The following KCNQ1 variants were observed in gnomAD, a reference collection of about 807,000 sequenced individuals.
KCNQ1 encodes potassium voltage-gated channel subfamily Q member 1.
KCNQ1 carries 49 observed loss-of-function variants against 72.4 expected under a neutral mutation model. That is an observed-to-expected ratio of 0.68 (90% CI 0.54 to 0.86). The LOEUF is 0.86. KCNQ1 is among the 40% of genes least tolerant of loss of function. The pLI is 0.00. For synonymous variants in KCNQ1, 450 were observed against 412.6 expected (o/e 1.09, Z -1.10); for missense variants, 790 against 945.1 (o/e 0.84, Z 2.15).
intron 12 of KCNQ1, among the ~76,000 whole-genome samples, chr11:2,771,782 G>A (rs906248794): frequency 6.6e-6 from 1 of 152,164 alleles, no homozygotes; most frequent in Non-Finnish European, 1.5e-5. Context: ...AGCAGGCCCT[G>A]TCGCTGAGCC....
Position 2,526,625 on chromosome 11 carries a change from C to A in KCNQ1, c.387-1303C>A, listed in dbSNP as rs1349026864. On this transcript the variant is annotated intron_variant, in intron 1 of 15. Transcript: ENST00000155840. The surrounding 1 kb of genome is among the most constrained non-coding windows in gnomAD (Gnocchi z 6.1). ...CGTGCAGCAGGAGGATGAGCCGAGG[C>A]AGGCTGTGCTGGGAGGTAGCCTGTT... 1.4e-5 allele frequency among the ~76,000 whole-genome samples: 2 copies of A among 144,960 alleles called. No individual in the cohort carries two copies. The highest frequency in any genetic ancestry group is 1.5e-5 in the Non-Finnish European group (1 of 66,752).
At chr11:2,666,255 C>A in intron 11 of KCNQ1, 1 of 398,624 alleles carries the variant, frequency 2.5e-6, no homozygotes, top group Non-Finnish European at 4.4e-6. Flanking sequence ...GGGGGAGGAC[C>A]AGGACCCCCG....
intron 11 of KCNQ1, among the ~76,000 whole-genome samples, chr11:2,730,537 G>T (rs1845838570): frequency 6.6e-6 from 1 of 152,196 alleles, no homozygotes; most frequent in Admixed American, 6.5e-5. Context: ...GAGTGCAGGG[G>T]TGATCTGGAG....
At chr11:2,727,496 G>A (rs1292334825) in intron 11 of KCNQ1, among the ~76,000 whole-genome samples, 5 of 152,176 alleles carry the variant, frequency 3.3e-5, no homozygotes, top group African/African-American at 1.2e-4. Context: ...GAATAAAGAG[G>A]AGGAGGAGGT....
Position 2,724,351 on chromosome 11 carries a change from GC to G in KCNQ1, c.1515-44490del, listed in dbSNP as rs1366903004. Among the ~76,000 whole-genome samples, 6 of 152,138 alleles carry G rather than the reference GC, an allele frequency of 3.9e-5. No homozygotes were observed. The highest frequency in any genetic ancestry group is 3.9e-4 in the Admixed American group (6 of 15,286). On this transcript the variant is annotated intron_variant, in intron 11 of 15. Coordinates refer to ENST00000155840, the MANE Select transcript of KCNQ1 (RefSeq NM_000218.3). This position sits in a 1 kb window ranked among gnomAD's most constrained non-coding sequence, Gnocchi z 6.8. ...TCCTCAGGAGTGACAGCGTCCTCCC[GC>G]CCGGATTGGGTTTCTGCACAGTGGA... is the stretch of plus-strand genomic sequence containing the variant.
Position 2,601,120 on chromosome 11 carries a change from CT to C in KCNQ1, c.1393+12270del, listed in dbSNP as rs1381937560. Among the ~76,000 whole-genome samples, 1 of 150,524 alleles carries C rather than the reference CT, an allele frequency of 6.6e-6. No individual in the cohort carries two copies. Among genetic ancestry groups the C allele is most frequent in the Non-Finnish European group, 1.5e-5 (1 of 67,810 alleles). ...AAAAAAGTCTCTCCAGATTTAAATGCTTTTGGAAACCAGGCTTTACTGTGGT... is the reference window on the plus strand; with the variant it reads ...AAAAAAGTCTCTCCAGATTTAAATGCTTTGGAAACCAGGCTTTACTGTGGT... On this transcript the variant is annotated intron_variant, in intron 10 of 15. Coordinates refer to ENST00000155840, the MANE Select transcript of KCNQ1 (RefSeq NM_000218.3). This position sits in a 1 kb window ranked among gnomAD's most constrained non-coding sequence, Gnocchi z 5.2.
At chr11:2,709,185 C>G (rs1297206571) in intron 11 of KCNQ1, among the ~76,000 whole-genome samples, 3 of 152,076 alleles carry the variant, frequency 2.0e-5, no homozygotes, top group South Asian at 4.2e-4. Context: ...GGCCCTGGAG[C>G]GTGGGAGCCT....
intron 15 of KCNQ1, among the ~76,000 whole-genome samples, chr11:2,821,984 T>C (rs1312193925): frequency 6.6e-6 from 1 of 152,140 alleles, no homozygotes; most frequent in Non-Finnish European, 1.5e-5. Context: ...TCCTGGGTTA[T>C]CCAGGGGCCC....
chr11:2,699,845 G>T (rs1850762077), intron 11 of KCNQ1: 1 of 396,810 alleles, frequency 2.5e-6, no homozygotes, highest in South Asian at 1.3e-4. Flanking sequence ...GGACCGCGCT[G>T]AGGGGCGCAC....
At chr11:2,533,932 C>T (rs992250943) in intron 2 of KCNQ1, among the ~76,000 whole-genome samples, 4 of 152,174 alleles carry the variant, frequency 2.6e-5, no homozygotes, top group African/African-American at 9.7e-5. Flanking sequence ...GTTAAAAAAC[C>T]CCGTGAGCTG....
intron 1 of KCNQ1, among the ~76,000 whole-genome samples, chr11:2,518,190 G>T (rs549013059): frequency 6.6e-6 from 1 of 152,274 alleles, no homozygotes; most frequent in African/African-American, 2.4e-5. Context: ...CCCCTGCTCT[G>T]GTCGGGGAGG....
chr11:2,558,826 G>A (rs950310081), intron 2 of KCNQ1, among the ~76,000 whole-genome samples: 24 of 152,182 alleles, frequency 1.6e-4, no homozygotes, highest in South Asian at 6.2e-4. Flanking sequence ...GCCAAGGCCC[G>A]GAAGCCGGCA....
Position 2,843,628 on chromosome 11 carries a change from G to A in KCNQ1, c.1795-4139G>A, listed in dbSNP as rs190546291. On this transcript the variant is annotated intron_variant, in intron 15 of 15. Coordinates refer to ENST00000155840, the MANE Select transcript of KCNQ1 (RefSeq NM_000218.3). ...CATCCACGAGGCCAGGGCCTTTGGC[G>A]GTCCTAGGCGGGGATCAAGGCCGGG... 5.1e-4 allele frequency among the ~76,000 whole-genome samples: 78 copies of A among 152,374 alleles called. 1 individual carries two copies. In the East Asian group the frequency reaches 0.013, roughly 24 times the overall value.
intron 15 of KCNQ1, among the ~76,000 whole-genome samples, chr11:2,796,496 C>T (rs79264824): frequency 0.027 from 4,055 of 152,316 alleles, 162 homozygotes; most frequent in African/African-American, 0.086. Flanking sequence ...CTCCCACTGC[C>T]GACCCAGGCC....
chr11:2,611,988 T>C lies in KCNQ1; in HGVS notation c.1393+23134T>C. 2.5e-6 allele frequency: 1 copy of C among 398,664 alleles called. No individual in the cohort carries two copies. The highest frequency in any genetic ancestry group is 3.6e-5 in the East Asian group (1 of 28,078). The allele number at this position is 398,664 out of a possible 1,614,324, so 24.7% of individuals were successfully genotyped here. On this transcript the variant is annotated intron_variant, in intron 10 of 15. Coordinates refer to ENST00000155840, the MANE Select transcript of KCNQ1 (RefSeq NM_000218.3). The surrounding 1 kb of genome is among the most constrained non-coding windows in gnomAD (Gnocchi z 5.3). ...CCCTATTCTCTCCTTCTCAGTACTC[T>C]TATTAACACATATGTTGTTACTCCT...
intron 7 of KCNQ1, among the ~76,000 whole-genome samples, chr11:2,583,924 T>C (rs1207687346): frequency 6.6e-6 from 1 of 152,196 alleles, no homozygotes; most frequent in Non-Finnish European, 1.5e-5. Context: ...TTTTGTTCCA[T>C]GTCCTTTCCA....
In KCNQ1 at chr11:2,463,992, G is replaced by C. The variant is rs1215324959; in HGVS notation, c.386+18508G>C. ...GGGTCTGGTTTGATAACCGTGGACC[G>C]GGGTGACAGGCCCTGACTCTGCAGA... On this transcript the variant is annotated intron_variant, in intron 1 of 15. Coordinates refer to ENST00000155840, the MANE Select transcript of KCNQ1 (RefSeq NM_000218.3). This position sits in a 1 kb window ranked among gnomAD's most constrained non-coding sequence, Gnocchi z 7.0. Among the ~76,000 whole-genome samples, 1 of 152,230 alleles carries C rather than the reference G, an allele frequency of 6.6e-6. No individual in the cohort carries two copies. The highest frequency in any genetic ancestry group is 6.5e-5 in the Admixed American group (1 of 15,290).
chr11:2,620,443 T>G lies in KCNQ1; in HGVS notation c.1393+31589T>G, dbSNP rs1849151076. 1 of 289,528 alleles carries G rather than the reference T, an allele frequency of 3.5e-6. No individual in the cohort carries two copies. The highest frequency in any genetic ancestry group is 2.2e-5 in the African/African-American group (1 of 46,128). 17.9% of individuals were successfully genotyped at this position (289,528 alleles called of 1,614,324 possible). On this transcript the variant is annotated intron_variant, in intron 10 of 15. Transcript: ENST00000155840. This position sits in a 1 kb window ranked among gnomAD's most constrained non-coding sequence, Gnocchi z 4.5. ...GTTGGTCAGGCTGGTCTCGAACTCCTGACCTCAGGTGATCCACCCGCCTTG... is the reference window on the plus strand; with the variant it reads ...GTTGGTCAGGCTGGTCTCGAACTCCGGACCTCAGGTGATCCACCCGCCTTG...
intron 11 of KCNQ1, among the ~76,000 whole-genome samples, chr11:2,753,707 C>CA (rs1342843721): frequency 1.3e-5 from 2 of 152,244 alleles, no homozygotes. Context: ...TACCAGGCCC[C>CA]ATGGGGATGG....
Sources: gnomAD v4.1 joint callset for allele counts (sites outside exome capture counted in the v4.1 genomes callset) on GRCh38, gnomAD v4.1.1 for gene constraint, Gnocchi (gnomAD v3.1) non-coding constraint, MANE v1.5 for transcripts, NCBI Gene and HGNC (gene_info 2026-07-23, HGNC 2026-07-21) for gene names.